Variants in TMEM178B observed in about 807,000 individuals in gnomAD.
The protein encoded by TMEM178B is transmembrane protein 178B.
Under a neutral mutation model 31.0 loss-of-function variants are expected in TMEM178B, and 5 were observed. The ratio of observed to expected loss-of-function variants is 0.16; its 90% CI spans 0.08 to 0.34. The LOEUF (loss-of-function observed/expected upper bound fraction) is 0.34, where lower values mean the gene tolerates loss of function less well. TMEM178B is among the 10% of genes least tolerant of loss of function. The pLI, the probability that TMEM178B is intolerant of heterozygous loss-of-function variation, is 1.00. For synonymous variants in TMEM178B, 164 were observed against 164.0 expected (o/e 1.00, Z 0.00); for missense variants, 275 against 400.3 (o/e 0.69, Z 2.67).
rs564125567 is a variant in TMEM178B at position 141,234,991 on chromosome 7, A to T, written c.496+22287A>T. ...TGGCACTCTCTGAACAAGCCACCAA[A>T]TCCTAAGGCCATGTAAAAAGAAATC... is the stretch of plus-strand genomic sequence containing the variant. On this transcript the variant is annotated intron_variant, in intron 2 of 3. Coordinates refer to ENST00000565468, the MANE Select transcript of TMEM178B (RefSeq NM_001195278.2). 1.1e-4 allele frequency among the ~76,000 whole-genome samples: 16 copies of T among 152,360 alleles called. No homozygotes were observed. The East Asian group carries it at 3.1e-3, about 29-fold the overall frequency.
chr7:141,105,843 C>A (rs1044626114), intron 1 of TMEM178B, among the ~76,000 whole-genome samples: 4 of 151,870 alleles, frequency 2.6e-5, no homozygotes, highest in Non-Finnish European at 5.9e-5. Context: ...GCCTGTAATC[C>A]CAGCTGTTTG....
At chr7:141,376,687 T>C (rs1800221089) in intron 2 of TMEM178B, among the ~76,000 whole-genome samples, 1 of 152,278 alleles carries the variant, frequency 6.6e-6, no homozygotes, top group Middle Eastern at 3.4e-3. Flanking sequence ...AATGGCGTTC[T>C]TGATATTTTA....
At chr7:141,332,455 G>A (rs932482348) in intron 2 of TMEM178B, among the ~76,000 whole-genome samples, 2 of 152,144 alleles carry the variant, frequency 1.3e-5, no homozygotes, top group Non-Finnish European at 2.9e-5. Context: ...CAGCCAACAC[G>A]ATTTCTGCAA....
intron 2 of TMEM178B, among the ~76,000 whole-genome samples, chr7:141,397,341 A>G (rs890551807): frequency 1.3e-5 from 2 of 152,166 alleles, no homozygotes; most frequent in Admixed American, 1.3e-4. Context: ...TCCTGAGGCC[A>G]TTTGTGCTGT....
At chr7:141,415,071 A>T (rs1272162747) in intron 2 of TMEM178B, 1 of 152,342 alleles carries the variant, frequency 6.6e-6, no homozygotes, top group African/African-American at 2.4e-5. Flanking sequence ...CCAGCTGCCC[A>T]GTTGGCTATG....
intron 1 of TMEM178B, among the ~76,000 whole-genome samples, chr7:141,145,086 C>T (rs1277926524): frequency 6.6e-6 from 1 of 152,210 alleles, no homozygotes; most frequent in African/African-American, 2.4e-5. Flanking sequence ...AGTCAGTCGG[C>T]AAGACTTGCC....
At chr7:141,500,836 A>G in the TMEM178B span, among the ~76,000 whole-genome samples, 1 of 152,286 alleles carries the variant, frequency 6.6e-6, no homozygotes, top group Admixed American at 6.5e-5. Flanking sequence ...GCTACTTTCC[A>G]AAGATCTTTG....
At chr7:141,335,137 G>A (rs571174496) in intron 2 of TMEM178B, among the ~76,000 whole-genome samples, 5 of 152,296 alleles carry the variant, frequency 3.3e-5, no homozygotes, top group African/African-American at 1.2e-4. Context: ...GGGGCAGCCT[G>A]GATGGAGTCC....
intron 2 of TMEM178B, among the ~76,000 whole-genome samples, chr7:141,389,291 G>T (rs1438731367): frequency 6.6e-6 from 1 of 152,182 alleles, no homozygotes; most frequent in African/African-American, 2.4e-5. Context: ...AAGGGAAAGG[G>T]TATCTGTTCT....
rs535466564 is a variant in TMEM178B, at chr7:141,255,630, A to T, written c.496+42926A>T. Among the ~76,000 whole-genome samples, 14 of 138,440 alleles carry T rather than the reference A, an allele frequency of 1.0e-4. No homozygotes were observed. In the South Asian group the frequency reaches 3.2e-3, roughly 32 times the overall value. 90.8% of individuals were successfully genotyped at this position (138,440 alleles called of 152,430 possible). On this transcript the variant is annotated intron_variant, in intron 2 of 3. Transcript: ENST00000565468. ...TTAAGTTCAATGAAAGAGTCACTAC[A>T]TTATTCTTATTTTTCTAGTTTTTTT...
chr7:141,234,658 C>T (rs1446692553), intron 2 of TMEM178B, among the ~76,000 whole-genome samples: 1 of 152,210 alleles, frequency 6.6e-6, no homozygotes, highest in Admixed American at 6.5e-5. Flanking sequence ...CACATTTCCT[C>T]ATTCTGGGTT....
chr7:141,433,123 C>CCCT (rs1801468551), intron 2 of TMEM178B, among the ~76,000 whole-genome samples: 1 of 152,222 alleles, frequency 6.6e-6, no homozygotes, highest in African/African-American at 2.4e-5. Context: ...TGCTGGCTGA[C>CCCT]CCTCACCTGT....
intron 3 of TMEM178B, among the ~76,000 whole-genome samples, chr7:141,441,136 G>A (rs995565750): frequency 3.3e-5 from 5 of 152,198 alleles, no homozygotes; most frequent in Non-Finnish European, 7.3e-5. Context: ...GTGAGCTAGG[G>A]ACTAGGGAAG....
chr7:141,201,505 T>C (rs531995402), intron 1 of TMEM178B, among the ~76,000 whole-genome samples: 2 of 152,358 alleles, frequency 1.3e-5, no homozygotes, highest in Non-Finnish European at 2.9e-5. Context: ...TATTGAAGGC[T>C]CACCATGGAG....
At chr7:141,448,211 A>G (rs1042404525) in intron 3 of TMEM178B, among the ~76,000 whole-genome samples, 7 of 152,020 alleles carry the variant, frequency 4.6e-5, no homozygotes, top group Non-Finnish European at 1.0e-4. Context: ...TAATAAGACA[A>G]TTGCTTTCTG....
At chr7:141,428,156 T>C (rs1046089381) in intron 2 of TMEM178B, among the ~76,000 whole-genome samples, 5 of 151,612 alleles carry the variant, frequency 3.3e-5, no homozygotes, top group Non-Finnish European at 7.4e-5. Context: ...TCCCAATAGA[T>C]AGAAAACACC....
At chr7:141,294,766 C>T (rs1423280020) in intron 2 of TMEM178B, among the ~76,000 whole-genome samples, 1 of 152,164 alleles carries the variant, frequency 6.6e-6, no homozygotes, top group Non-Finnish European at 1.5e-5. Flanking sequence ...AGAGAAAGTA[C>T]ATCCTGAACA....
chr7:141,100,297 G>T (rs993857595), intron 1 of TMEM178B, among the ~76,000 whole-genome samples: 3 of 151,910 alleles, frequency 2.0e-5, no homozygotes, highest in African/African-American at 7.3e-5. Flanking sequence ...GGAATTACTG[G>T]ATACGTCCAT....
At chr7:141,263,058 A>G (rs1423015949) in intron 2 of TMEM178B, among the ~76,000 whole-genome samples, 1 of 152,070 alleles carries the variant, frequency 6.6e-6, no homozygotes, top group Non-Finnish European at 1.5e-5. Context: ...AGAAGAATGT[A>G]CCTCCTTGCT....
Sources: gnomAD v4.1 joint callset for allele counts (sites outside exome capture counted in the v4.1 genomes callset) on GRCh38, gnomAD v4.1.1 for gene constraint, MANE v1.5 for transcripts, NCBI Gene and HGNC (gene_info 2026-07-23, HGNC 2026-07-21) for gene names.